PREX1: variants seen among roughly 807,000 people sequenced by gnomAD.
PREX1 encodes the protein phosphatidylinositol 3,4,5-trisphosphate-dependent Rac exchanger 1 protein.
PREX1 carries 41 observed loss-of-function variants against 198.3 expected under a neutral mutation model. That is an observed-to-expected ratio of 0.21 (90% CI 0.16 to 0.27). The LOEUF is 0.27. Among genes scored for constraint, PREX1 ranks in the 10% least tolerant of loss-of-function variants. The probability of loss-of-function intolerance (pLI) is 1.00; values close to 1 mark genes in which losing one functional copy is unlikely to be tolerated. For missense variants in PREX1, 1,620 were observed against 2,200.7 expected, an observed-to-expected ratio of 0.74 and a Z score of 5.28; for synonymous variants, 843 against 887.2, an observed-to-expected ratio of 0.95 and a Z score of 0.89.
At chr20:48,680,548 C>T (rs1458124628) in intron 11 of PREX1, among the ~76,000 whole-genome samples, 1 of 152,168 alleles carries the variant, frequency 6.6e-6, no homozygotes, top group African/African-American at 2.4e-5. Flanking sequence ...TCCTACCACG[C>T]CCCCTCCTCA....
At chr20:48,746,944 AC>A (rs1333467220) in intron 2 of PREX1, among the ~76,000 whole-genome samples, 4 of 138 alleles carry the variant, frequency 0.029, no homozygotes, top group African/African-American at 0.11. Context: ...GTGCATGAAC[AC>A]ACACACACAC....
At chr20:48,845,413 A>C in the PREX1 span, among the ~76,000 whole-genome samples, 1 of 152,170 alleles carries the variant, frequency 6.6e-6, no homozygotes, top group African/African-American at 2.4e-5. Context: ...GCATGAGAAG[A>C]GTTTTCTAGG....
At chr20:48,845,660 CCACTACACTCCAGCCTGGGT>C in the PREX1 span, among the ~76,000 whole-genome samples, 2 of 150,914 alleles carry the variant, frequency 1.3e-5, no homozygotes, top group African/African-American at 4.9e-5. Flanking sequence ...CGTGACTGTG[CCACTACACTCCAGCCTGGGT>C]GACAAAGCAA....
intron 15 of PREX1, among the ~76,000 whole-genome samples, chr20:48,661,770 A>G (rs559797348): frequency 1.3e-5 from 2 of 151,880 alleles, no homozygotes; most frequent in African/African-American, 4.8e-5. Flanking sequence ...ACTAAGACTC[A>G]GGCCCCTAGG....
intron 1 of PREX1, among the ~76,000 whole-genome samples, chr20:48,800,163 G>A (rs932582003): frequency 7.9e-5 from 12 of 152,132 alleles, no homozygotes; most frequent in East Asian, 1.9e-4. Context: ...ATCACCCCAC[G>A]TTTTACAAGT....
At position 48,688,700 on chromosome 20, in the gene PREX1, G is replaced by A. The variant is rs1186597028; in HGVS notation, c.1291C>T (p.Arg431Cys). Residue 431 changes from arginine (R) to cysteine (C), a missense_variant, in exon 10 of 40, where the codon CGC becomes TGC. Physicochemically the swap from Arg to Cys is radical, Grantham distance 180 (BLOSUM62 -3). This residue lies in a region of PREX1 where 488 missense variants were observed against 802.5 expected (regional missense o/e 0.61). Transcript: ENST00000371941. ...MNKKVNLIKD[R>C]RRKLSTVPKC... ...GGGACAGTGCTCAGCTTTCTCCGGC[G>A]GTCCTTGATGAGGTTCACCTTCTTG... The A allele has an allele frequency of 5.0e-6, 8 of 1,614,008 alleles. No individual in the cohort carries two copies. Among genetic ancestry groups the A allele is most frequent in the Non-Finnish European group, 2.5e-6 (3 of 1,180,018 alleles).
Position 48,627,583 on chromosome 20 carries a change from C to A in PREX1, c.4902G>T (p.Leu1634=), listed in dbSNP as rs778839835. The A allele has an allele frequency of 2.5e-6, 4 of 1,613,188 alleles. No homozygotes were observed. The highest frequency in any genetic ancestry group is 3.4e-6 in the Non-Finnish European group (4 of 1,179,846). The stretch of plus-strand genomic sequence containing the variant: ...CCTGGGGCATCTGGTCCTTGACTCG[C>A]AGGTTTTTGGCCAGAATCTCCACCC... The part of the protein sequence containing the change: ...GPRVEILAKN[L]RVKDQMPQGA... Residue 1634 remains leucine, a synonymous_variant, in exon 39 of 40, where the codon CTG becomes CTT. Transcript: ENST00000371941.
At chr20:48,843,077 C>G in the PREX1 span, among the ~76,000 whole-genome samples, 2 of 152,214 alleles carry the variant, frequency 1.3e-5, no homozygotes, top group East Asian at 3.8e-4. Flanking sequence ...CAGGAAGAGA[C>G]TCCAAGGTCA....
rs183716557 is a variant in PREX1, at chr20:48,752,633, T to C, written c.220-4753A>G. On this transcript the variant is annotated intron_variant, in intron 1 of 39. Coordinates refer to ENST00000371941, the MANE Select transcript of PREX1 (RefSeq NM_020820.4). The stretch of plus-strand genomic sequence containing the variant: ...ACTCGATGGACACTATCTCCCCGAG[T>C]GCCTTGATGGATTCAGCTCCGGTGG... 2.0e-3 allele frequency among the ~76,000 whole-genome samples: 304 copies of C among 152,112 alleles called. 2 individuals are homozygous for C. The highest frequency in any genetic ancestry group is 0.019 in the Admixed American group (283 of 15,276).
intron 1 of PREX1, among the ~76,000 whole-genome samples, chr20:48,793,316 T>A (rs2090346854): frequency 6.6e-6 from 1 of 152,160 alleles, no homozygotes; most frequent in African/African-American, 2.4e-5. Flanking sequence ...GTTTTTCAGG[T>A]GTGATTAAAA....
At chr20:48,810,284 T>C (rs1342772051) in intron 1 of PREX1, among the ~76,000 whole-genome samples, 1 of 150,630 alleles carries the variant, frequency 6.6e-6, no homozygotes, top group Non-Finnish European at 1.5e-5. Context: ...AATTCTACAA[T>C]TAAAAAAAAA....
intron 15 of PREX1, among the ~76,000 whole-genome samples, chr20:48,662,008 T>C (rs755824181): frequency 5.9e-5 from 9 of 152,184 alleles, no homozygotes; most frequent in Non-Finnish European, 1.2e-4. Flanking sequence ...GACATCCCCC[T>C]CGTCCCTGAA....
intron 3 of PREX1, among the ~76,000 whole-genome samples, chr20:48,736,279 C>G (rs576629339): frequency 1.3e-4 from 20 of 152,262 alleles, no homozygotes; most frequent in African/African-American, 4.6e-4. Context: ...CAATTACCCA[C>G]AGTGCACCCC....
intron 35 of PREX1, 62 bp downstream of exon 35, chr20:48,632,215 A>G: frequency 6.6e-7 from 1 of 1,506,946 alleles, no homozygotes; most frequent in Non-Finnish European, 9.2e-7. Flanking sequence ...CTTCCATGCT[A>G]ATGCCCACTC....
At chr20:48,716,074 T>C (rs960948925) in intron 5 of PREX1, among the ~76,000 whole-genome samples, 1 of 152,128 alleles carries the variant, frequency 6.6e-6, no homozygotes, top group Non-Finnish European at 1.5e-5. Context: ...GGGCAGGTCC[T>C]GGGGATCCTT....
chr20:48,672,783 T>G (rs910652711), intron 14 of PREX1, among the ~76,000 whole-genome samples: 3 of 152,218 alleles, frequency 2.0e-5, no homozygotes, highest in African/African-American at 7.2e-5. Flanking sequence ...CTGTGTAAAC[T>G]GCACCACCCC....
chr20:48,785,848 T>C (rs909748934), intron 1 of PREX1, among the ~76,000 whole-genome samples: 7 of 152,280 alleles, frequency 4.6e-5, no homozygotes, highest in African/African-American at 1.7e-4. Flanking sequence ...GCCCCCATCA[T>C]GTGGCAGGCG....
At chr20:48,793,429 A>G (rs370007576) in intron 1 of PREX1, among the ~76,000 whole-genome samples, 7 of 152,342 alleles carry the variant, frequency 4.6e-5, no homozygotes, top group African/African-American at 1.7e-4. Context: ...TGTGAATTAT[A>G]CTCAATTAAA....
In PREX1 at chr20:48,747,725, A is replaced by G. The variant is rs1480113945; in HGVS notation, c.291+84T>C. The stretch of plus-strand genomic sequence containing the variant: ...GGGTGATGCGCCTCCCCCTGCATGC[A>G]CACCCTCTGAGCATCGCACGGGAAG... On this transcript the variant is annotated intron_variant, in intron 2 of 39. Transcript: ENST00000371941. 7 of 1,421,334 alleles carry G rather than the reference A, an allele frequency of 4.9e-6. No individual in the cohort carries two copies. The African/African-American group carries it at 8.4e-5, about 17-fold the overall frequency. 88.0% of individuals were successfully genotyped at this position (1,421,334 alleles called of 1,614,324 possible).
Sources: allele counts gnomAD v4.1 joint callset (sites outside exome capture counted in the v4.1 genomes callset), GRCh38; gene constraint gnomAD v4.1.1; regional missense constraint gnomAD v4.1.1; transcripts MANE v1.5; gene names NCBI Gene and HGNC (gene_info 2026-07-23, HGNC 2026-07-21).